The following MAMLD1 variants were observed in gnomAD, a reference collection of about 807,000 sequenced individuals.
MAMLD1 encodes mastermind-like domain-containing protein 1.
MAMLD1 carries 14 observed loss-of-function variants against 45.0 expected under a neutral mutation model. The ratio of observed to expected loss-of-function variants is 0.31; its 90% CI spans 0.21 to 0.49. MAMLD1 has a LOEUF of 0.49. MAMLD1 is among the 20% of genes least tolerant of loss of function. The pLI is 0.99. For synonymous variants in MAMLD1, 254 were observed against 247.8 expected (o/e 1.02, Z -0.24); for missense variants, 543 against 603.6 (o/e 0.90, Z 1.05).
chrX:150,399,070 A>G (rs1318385618), intron 1 of MAMLD1, among the ~76,000 whole-genome samples: 2 of 112,134 alleles, frequency 1.8e-5, no homozygotes, highest in African/African-American at 6.5e-5. Context: ...CATATTTTCA[A>G]GCAAGGAAGA....
intron 1 of MAMLD1, among the ~76,000 whole-genome samples, chrX:150,421,546 A>T (rs1557403543): frequency 9.0e-6 from 1 of 111,631 alleles, no homozygotes; most frequent in African/African-American, 3.3e-5. Context: ...TTCTCTCCCT[A>T]CCCACCTTCT....
intron 1 of MAMLD1, among the ~76,000 whole-genome samples, chrX:150,435,513 CA>C (rs199565943): frequency 0.073 from 8,013 of 110,342 alleles, 273 homozygotes; most frequent in East Asian, 0.13. Context: ...GACTCTGTCT[CA>C]AAAAAAATAA....
chrX:150,401,194 T>C (rs1393546264), intron 1 of MAMLD1, among the ~76,000 whole-genome samples: 1 of 111,160 alleles, frequency 9.0e-6, no homozygotes, highest in Non-Finnish European at 1.9e-5. Flanking sequence ...TGGGAGGGTG[T>C]ATGTGTCGAG....
intron 1 of MAMLD1, among the ~76,000 whole-genome samples, chrX:150,400,004 A>G (rs781921362): frequency 3.8e-4 from 42 of 111,590 alleles, no homozygotes; most frequent in African/African-American, 1.3e-3. Flanking sequence ...TCTTGCAGGG[A>G]GGTTCGCTCA....
chrX:150,497,067 A>G (rs1318027172), intron 5 of MAMLD1, among the ~76,000 whole-genome samples: 1 of 111,813 alleles, frequency 8.9e-6, no homozygotes, highest in East Asian at 2.8e-4. Context: ...AGCCCTAAAC[A>G]TATTTTGAAA....
At chrX:150,461,724 A>G (rs2036045823) in intron 2 of MAMLD1, among the ~76,000 whole-genome samples, 1 of 111,353 alleles carries the variant, frequency 9.0e-6, no homozygotes, top group Non-Finnish European at 1.9e-5. Flanking sequence ...TGGAAGCCAC[A>G]CATGGAGTTT....
At chrX:150,461,824 G>A (rs2036049274) in intron 2 of MAMLD1, among the ~76,000 whole-genome samples, 1 of 112,215 alleles carries the variant, frequency 8.9e-6, no homozygotes, top group Non-Finnish European at 1.9e-5. Flanking sequence ...CCAAAAAAGG[G>A]AAGCTTCCTG....
At chrX:150,487,107 G>GCTGCTT (rs1403962454) in intron 5 of MAMLD1, among the ~76,000 whole-genome samples, 2 of 111,772 alleles carry the variant, frequency 1.8e-5, no homozygotes, top group African/African-American at 6.5e-5. Flanking sequence ...TGCTGCTGCT[G>GCTGCTT]CTGCTAGTAC....
chrX:150,470,748 C>T lies in MAMLD1; in HGVS notation c.1175C>T (p.Thr392Met), dbSNP rs913468414. The T allele has an allele frequency of 4.1e-6, 5 of 1,210,467 alleles. No homozygotes were observed. Among genetic ancestry groups the T allele is most frequent in the Middle Eastern group, 2.3e-4 (1 of 4,376 alleles). Reference protein sequence around the residue: ...GSPNALLSSMTSSSNAALGPA... With the variant: ...GSPNALLSSMMSSSNAALGPA... ...CCCAATGCCTTACTGTCAAGCATGA[C>T]GTCCAGCAGCAATGCTGCCCTGGGG... Residue 392 changes from threonine (T) to methionine (M), a missense_variant, in exon 4 of 8, where the codon ACG becomes ATG. Physicochemically the swap from Thr to Met is moderately conservative, Grantham distance 81. Transcript: ENST00000370401.
chrX:150,510,208 A>G (rs1447172397), intron 7 of MAMLD1, among the ~76,000 whole-genome samples, 162 bp downstream of exon 7: 2 of 112,336 alleles, frequency 1.8e-5, no homozygotes, highest in African/African-American at 6.5e-5. Flanking sequence ...CTCTAAGAGC[A>G]GGATCCCAAT....
chrX:150,389,897 A>T (rs1475686658), intron 1 of MAMLD1, among the ~76,000 whole-genome samples: 1 of 112,224 alleles, frequency 8.9e-6, no homozygotes. Context: ...CCTGTCTCCA[A>T]TAATTTTCTT....
intron 1 of MAMLD1, among the ~76,000 whole-genome samples, chrX:150,440,799 A>G (rs1463211187): frequency 1.9e-5 from 2 of 105,572 alleles, no homozygotes; most frequent in South Asian, 3.8e-4. Flanking sequence ...CTAGATTTGT[A>G]TTGGGTTTCT....
chrX:150,437,447 C>T (rs897723115), intron 1 of MAMLD1, among the ~76,000 whole-genome samples: 2 of 111,829 alleles, frequency 1.8e-5, no homozygotes, highest in Non-Finnish European at 3.8e-5. Flanking sequence ...ATAGCCTTGC[C>T]TTGTTGCCAC....
intron 7 of MAMLD1, among the ~76,000 whole-genome samples, chrX:150,510,447 G>A (rs782029338): frequency 6.7e-4 from 75 of 111,739 alleles, no homozygotes; most frequent in African/African-American, 2.2e-3. Flanking sequence ...GGGTTCCTGG[G>A]CCATCTGTCA....
chrX:150,478,365 C>G (rs1378328170), intron 5 of MAMLD1, among the ~76,000 whole-genome samples: 1 of 111,711 alleles, frequency 9.0e-6, no homozygotes, highest in Non-Finnish European at 1.9e-5. Context: ...AAATACATGA[C>G]CTCCACCCCA....
chrX:150,423,348 CTG>C (rs1246327427), intron 1 of MAMLD1, among the ~76,000 whole-genome samples: 20 of 7,844 alleles, frequency 2.5e-3, no homozygotes, highest in Admixed American at 3.9e-3. Flanking sequence ...ACATTATACT[CTG>C]TGTGTGTGTG....
chrX:150,410,950 T>C (rs1460660621), intron 1 of MAMLD1, among the ~76,000 whole-genome samples: 2 of 105,866 alleles, frequency 1.9e-5, no homozygotes, highest in African/African-American at 3.7e-5. Context: ...CAACACAAAT[T>C]TGTAAACTTT....
At chrX:150,377,995 A>C (rs2124470069) in intron 1 of MAMLD1, among the ~76,000 whole-genome samples, 1 of 112,295 alleles carries the variant, frequency 8.9e-6, no homozygotes, top group East Asian at 2.8e-4. Flanking sequence ...GGAAGCTAAT[A>C]GTGGTACTAA....
In MAMLD1 at chrX:150,503,936, C is replaced by A. The variant is rs2037646639; in HGVS notation, c.2284+419C>A. The A allele has an allele frequency of 7.6e-6, 3 of 396,033 alleles. No homozygotes were observed. The South Asian group carries it at 3.9e-4, about 51-fold the overall frequency. The allele number at this position is 396,033 out of a possible 1,213,427, so 32.6% of individuals were successfully genotyped here. On this transcript the variant is annotated intron_variant, in intron 6 of 7. Coordinates refer to ENST00000370401, the MANE Select transcript of MAMLD1 (RefSeq NM_005491.5). ...GCTTCTGCACCTCCGAAGCCCTGCA[C>A]CTGATACCTGCCTGCTTGGCACCTA... is the stretch of plus-strand genomic sequence containing the variant.
Sources: allele counts gnomAD v4.1 joint callset (sites outside exome capture counted in the v4.1 genomes callset), GRCh38; gene constraint gnomAD v4.1.1; transcripts MANE v1.5; gene names NCBI Gene and HGNC (gene_info 2026-07-23, HGNC 2026-07-21).